Variants in KCNH5 observed in about 807,000 individuals in gnomAD.
KCNH5 encodes voltage-gated delayed rectifier potassium channel KCNH5.
A neutral mutation model predicts 96.1 loss-of-function variants in KCNH5; 46 were observed. The observed-to-expected ratio is 0.48, with a 90% CI of 0.38 to 0.61. The LOEUF is 0.61. Among genes scored for constraint, KCNH5 ranks in the 20% least tolerant of loss-of-function variants. KCNH5 has a pLI of 0.00. For missense variants in KCNH5, 907 were observed against 1,225.8 expected, an observed-to-expected ratio of 0.74 and a Z score of 3.88; for synonymous variants, 439 against 449.8, an observed-to-expected ratio of 0.98 and a Z score of 0.30.
At chr14:63,015,237 C>T (rs966183687) in intron 2 of KCNH5, among the ~76,000 whole-genome samples, 11 of 152,136 alleles carry the variant, frequency 7.2e-5, no homozygotes, top group African/African-American at 2.6e-4. Context: ...ATACTGACTC[C>T]CTGCTTGACC....
At chr14:62,802,308 C>T (rs1276876716) in intron 9 of KCNH5, 21 bp downstream of exon 9, 1 of 1,609,200 alleles carries the variant, frequency 6.2e-7, no homozygotes, top group Non-Finnish European at 8.5e-7. Flanking sequence ...TTTGCTACTA[C>T]ATTAGGAAAG....
rs2139894882 is a variant in KCNH5, at chr14:62,703,526, A to G, written c.*3982T>C. On this transcript the variant is annotated 3_prime_UTR_variant, in exon 11 of 11. Transcript: ENST00000322893. ...TATTTATTGGCGGGGAAATGGTACC[A>G]TTTGGTACACTAGGAAAGGTTAACT... 1 of 151,910 alleles carries G rather than the reference A, an allele frequency of 6.6e-6. No individual in the cohort carries two copies. Among genetic ancestry groups the G allele is most frequent in the East Asian group, 1.9e-4 (1 of 5,178 alleles). 9.4% of individuals were successfully genotyped at this position (151,910 alleles called of 1,614,324 possible). A position where few individuals can be genotyped will look rare whatever the true frequency, so the allele number is the denominator to read the frequency against.
At chr14:62,946,513 G>GT (rs1375313291) in intron 7 of KCNH5, among the ~76,000 whole-genome samples, 9 of 147,460 alleles carry the variant, frequency 6.1e-5, no homozygotes, top group East Asian at 5.9e-4. Flanking sequence ...TTTTTTGTGT[G>GT]GTTTTTTTTT....
intron 7 of KCNH5, among the ~76,000 whole-genome samples, chr14:62,947,051 T>C (rs1234936687): frequency 6.6e-6 from 1 of 152,104 alleles, no homozygotes; most frequent in African/African-American, 2.4e-5. Flanking sequence ...TACACACACA[T>C]TATATCATTG....
chr14:62,802,049 G>A (rs534794283), intron 9 of KCNH5, among the ~76,000 whole-genome samples: 2 of 152,170 alleles, frequency 1.3e-5, no homozygotes, highest in South Asian at 4.1e-4. Context: ...TACTAACATG[G>A]AGCTACAAGG....
rs1415038292 is a variant in KCNH5 at position 63,006,570 on chromosome 14, T to C, written c.198-98A>G. 5.8e-6 allele frequency: 4 copies of C among 692,694 alleles called. No individual in the cohort carries two copies. In the Admixed American group the frequency reaches 8.9e-5, roughly 15 times the overall value. The allele number at this position is 692,694 out of a possible 1,614,324, so 42.9% of individuals were successfully genotyped here. A position where few individuals can be genotyped will look rare whatever the true frequency, so the allele number is the denominator to read the frequency against. On this transcript the variant is annotated intron_variant, in intron 2 of 10. Transcript: ENST00000322893. The stretch of plus-strand genomic sequence containing the variant: ...TTGTCTTTGACTAGTCAAATGTGGC[T>C]AGAAAATATAATATTGCTCCTACAC...
intron 9 of KCNH5, among the ~76,000 whole-genome samples, chr14:62,800,631 T>C (rs1886641735): frequency 6.6e-6 from 1 of 152,168 alleles, no homozygotes; most frequent in Non-Finnish European, 1.5e-5. Context: ...CCTACCCACG[T>C]TTGATGTGGA....
At chr14:63,037,600 T>C (rs187425467) in intron 1 of KCNH5, among the ~76,000 whole-genome samples, 29 of 152,012 alleles carry the variant, frequency 1.9e-4, no homozygotes, top group African/African-American at 6.8e-4. Context: ...ATTTAAAAAA[T>C]AAAAATAAAT....
At position 62,980,930 on chromosome 14, in the gene KCNH5, A is replaced by G. The variant is rs1415112947; in HGVS notation, c.884T>C (p.Ile295Thr). ...RMNYLKTWFVIDLLSCLPYDI... is the reference protein window; with the variant it reads ...RMNYLKTWFVTDLLSCLPYDI... Reference sequence around the variant, plus strand: ...ATAAGGTAAACAAGACAGCAGATCGATCACAAACCAAGTTTTCAGATAGTT... The same window carrying G: ...ATAAGGTAAACAAGACAGCAGATCGGTCACAAACCAAGTTTTCAGATAGTT... Residue 295 changes from isoleucine (I) to threonine (T), a missense_variant, in exon 6 of 11, where the codon ATC (isoleucine) becomes ACC (threonine). By Grantham distance (89) the Ile-to-Thr change is moderately conservative. Coordinates refer to ENST00000322893, the MANE Select transcript of KCNH5 (RefSeq NM_139318.5). The G allele has an allele frequency of 1.2e-6, 2 of 1,614,152 alleles. No homozygotes were observed. Among genetic ancestry groups the G allele is most frequent in the East Asian group, 2.2e-5 (1 of 44,876 alleles).
chr14:62,857,337 T>A (rs188129728), intron 7 of KCNH5, among the ~76,000 whole-genome samples: 2 of 152,110 alleles, frequency 1.3e-5, no homozygotes, highest in Non-Finnish European at 2.9e-5. Context: ...AAACAAAGAA[T>A]CAAAGTATTC....
At chr14:62,829,901 A>G (rs1259673109) in intron 8 of KCNH5, among the ~76,000 whole-genome samples, 1 of 152,144 alleles carries the variant, frequency 6.6e-6, no homozygotes, top group Non-Finnish European at 1.5e-5. Context: ...TCACTTTTAA[A>G]CATAAGTTTC....
At chr14:63,032,094 G>A (rs1246179968) in intron 1 of KCNH5, among the ~76,000 whole-genome samples, 2 of 134,878 alleles carry the variant, frequency 1.5e-5, no homozygotes, top group Non-Finnish European at 1.6e-5. Flanking sequence ...GAAGAAAAAG[G>A]ACTTCACAAA....
chr14:62,840,566 C>CTTTTTTTTTTTT (rs71120238), intron 8 of KCNH5, among the ~76,000 whole-genome samples: 14 of 76,366 alleles, frequency 1.8e-4, no homozygotes, highest in African/African-American at 2.9e-4. Flanking sequence ...TCTTTTTTTT[C>CTTTTTTTTTTTT]TTTTTTTTTT....
intron 10 of KCNH5, among the ~76,000 whole-genome samples, chr14:62,738,256 T>G (rs190781496): frequency 6.6e-6 from 1 of 152,280 alleles, no homozygotes; most frequent in African/African-American, 2.4e-5. Flanking sequence ...GCTTCAGATT[T>G]CATCACTTCT....
At chr14:62,974,920 C>T (rs1228067104) in intron 6 of KCNH5, among the ~76,000 whole-genome samples, 1 of 152,194 alleles carries the variant, frequency 6.6e-6, no homozygotes, top group Non-Finnish European at 1.5e-5. Flanking sequence ...TATAATCCAG[C>T]TGAGGAAACA....
chr14:62,902,451 A>G (rs1205598048), intron 7 of KCNH5, among the ~76,000 whole-genome samples: 1 of 152,128 alleles, frequency 6.6e-6, no homozygotes, highest in Non-Finnish European at 1.5e-5. Flanking sequence ...AGTAGACATT[A>G]TGGGAAGTGA....
chr14:62,996,584 C>A (rs1673359217), intron 4 of KCNH5, among the ~76,000 whole-genome samples: 1 of 152,160 alleles, frequency 6.6e-6, no homozygotes. Flanking sequence ...CTGAGCCTTA[C>A]AAAGAATTCT....
chr14:62,779,690 T>C, intron 10 of KCNH5, 38 bp downstream of exon 10: 3 of 1,539,094 alleles, frequency 1.9e-6, no homozygotes, highest in South Asian at 2.4e-5. Context: ...ATTAATACTC[T>C]GGACACTAAT....
At chr14:62,768,389 T>C (rs996281558) in intron 10 of KCNH5, among the ~76,000 whole-genome samples, 1 of 152,146 alleles carries the variant, frequency 6.6e-6, no homozygotes, top group Non-Finnish European at 1.5e-5. Context: ...AAAAGGAGTA[T>C]TTTCCTTTAA....
Sources: allele counts gnomAD v4.1 joint callset (sites outside exome capture counted in the v4.1 genomes callset), GRCh38; gene constraint gnomAD v4.1.1; transcripts MANE v1.5; gene names NCBI Gene and HGNC (gene_info 2026-07-23, HGNC 2026-07-21).